The following PDIA5 variants were observed in gnomAD, a reference collection of about 807,000 sequenced individuals.
PDIA5 encodes protein disulfide-isomerase A5.
PDIA5 carries 58 observed loss-of-function variants against 77.6 expected under a neutral mutation model. The ratio of observed to expected loss-of-function variants is 0.75; its 90% CI spans 0.61 to 0.93. PDIA5 has a LOEUF of 0.93. PDIA5 is among the 40% of genes least tolerant of loss of function. The pLI, the probability that PDIA5 is intolerant of heterozygous loss-of-function variation, is 0.00. For missense variants in PDIA5, 630 were observed against 647.7 expected (o/e 0.97, Z 0.30); for synonymous variants, 250 against 252.1 (o/e 0.99, Z 0.08).
At chr3:123,141,261 G>T (rs1935627410) in intron 11 of PDIA5, among the ~76,000 whole-genome samples, 1 of 152,180 alleles carries the variant, frequency 6.6e-6, no homozygotes. Context: ...TGGCCTAACA[G>T]CACCATCCAT....
chr3:123,104,358 C>G (rs560984640), intron 5 of PDIA5, among the ~76,000 whole-genome samples: 1 of 152,282 alleles, frequency 6.6e-6, no homozygotes, highest in South Asian at 2.1e-4. Context: ...ATGGCTTCTG[C>G]TTTTTCAGCT....
At chr3:123,115,049 C>T (rs145931577) in intron 7 of PDIA5, among the ~76,000 whole-genome samples, 55 of 152,290 alleles carry the variant, frequency 3.6e-4, no homozygotes, top group African/African-American at 1.2e-3. Context: ...GCTTCACGGC[C>T]TGTCTAGGCG....
intron 5 of PDIA5, among the ~76,000 whole-genome samples, chr3:123,104,116 C>T (rs894021173): frequency 6.6e-5 from 10 of 152,186 alleles, no homozygotes; most frequent in African/African-American, 9.7e-5. Flanking sequence ...ATCCTGGCTT[C>T]GCCCCACTTC....
At position 123,106,733 on chromosome 3, in the gene PDIA5, C is replaced by G. The variant is rs780035040; in HGVS notation, c.388-16C>G. The G allele has an allele frequency of 1.6e-5, 26 of 1,578,338 alleles. 1 individual carries two copies. The Admixed American group carries it at 3.7e-4, about 22-fold the overall frequency. On this transcript the variant is annotated splice_polypyrimidine_tract_variant and intron_variant, in intron 5 of 16. Transcript: ENST00000316218. ...AGGGCTAAAATGCATTTTCTCTTCT[C>G]TTTTTTTTCCCTCAGTCCATAGTGG...
At chr3:123,130,762 C>T (rs1034031690) in intron 11 of PDIA5, 146 bp downstream of exon 11, 9 of 841,390 alleles carry the variant, frequency 1.1e-5, no homozygotes, top group East Asian at 2.6e-5. Flanking sequence ...TGGTGACAGG[C>T]GAGGTCCCCA....
intron 7 of PDIA5, among the ~76,000 whole-genome samples, chr3:123,115,470 A>C (rs1934971928): frequency 6.6e-6 from 1 of 152,152 alleles, no homozygotes; most frequent in Non-Finnish European, 1.5e-5. Context: ...AGAGCCCCGG[A>C]GGGCTGAGCC....
chr3:123,156,116 C>A, intron 15 of PDIA5, among the ~76,000 whole-genome samples: 1 of 152,148 alleles, frequency 6.6e-6, no homozygotes. Context: ...AGCAGAGATA[C>A]AGGTGCTAGG....
intron 1 of PDIA5, among the ~76,000 whole-genome samples, chr3:123,088,345 T>G (rs1400524010): frequency 6.6e-6 from 1 of 152,092 alleles, no homozygotes; most frequent in Non-Finnish European, 1.5e-5. Flanking sequence ...TGGGGGAGAA[T>G]TGGCTCATTT....
chr3:123,071,603 A>G (rs753412953), intron 1 of PDIA5, among the ~76,000 whole-genome samples: 4 of 152,204 alleles, frequency 2.6e-5, no homozygotes, highest in Admixed American at 6.5e-5. Context: ...GGAAGTCTTA[A>G]AACAGACCCG....
chr3:123,067,739 T>C (rs1933613464), intron 1 of PDIA5, among the ~76,000 whole-genome samples: 1 of 152,150 alleles, frequency 6.6e-6, no homozygotes, highest in African/African-American at 2.4e-5. Flanking sequence ...GGGGTCGACG[T>C]AGCCCGCCCC....
chr3:123,114,796 C>T (rs796364408), intron 7 of PDIA5, among the ~76,000 whole-genome samples: 13 of 152,294 alleles, frequency 8.5e-5, no homozygotes, highest in African/African-American at 2.9e-4. Flanking sequence ...GCAGATTCGG[C>T]GGGCTCGCGC....
chr3:123,122,659 C>T (rs1044433595), intron 8 of PDIA5, among the ~76,000 whole-genome samples: 2 of 152,184 alleles, frequency 1.3e-5, no homozygotes, highest in Non-Finnish European at 2.9e-5. Context: ...TCATTTAGTT[C>T]TCTAAAGAGC....
intron 11 of PDIA5, among the ~76,000 whole-genome samples, chr3:123,144,280 G>A (rs1000936192): frequency 1.3e-5 from 2 of 152,066 alleles, no homozygotes; most frequent in East Asian, 1.9e-4. Context: ...GAATTATAGC[G>A]TTCTCAGCTC....
intron 7 of PDIA5, among the ~76,000 whole-genome samples, chr3:123,114,371 C>CG (rs916966456): frequency 3.3e-5 from 5 of 152,104 alleles, no homozygotes; most frequent in African/African-American, 1.2e-4. Flanking sequence ...GAAGCACCCC[C>CG]CCAAATCCTG....
At chr3:123,109,099 A>G (rs2107939893) in intron 6 of PDIA5, among the ~76,000 whole-genome samples, 1 of 152,322 alleles carries the variant, frequency 6.6e-6, no homozygotes, top group Non-Finnish European at 1.5e-5. Context: ...TAACTGTAGG[A>G]ATATCAAGCG....
intron 10 of PDIA5, among the ~76,000 whole-genome samples, chr3:123,125,235 A>G (rs1338976800): frequency 1.3e-5 from 2 of 152,206 alleles, no homozygotes; most frequent in East Asian, 3.8e-4. Context: ...ATTTGTGCAT[A>G]TGTGCTGGAG....
intron 14 of PDIA5, among the ~76,000 whole-genome samples, chr3:123,154,715 T>C (rs1249801067): frequency 6.6e-6 from 1 of 152,136 alleles, no homozygotes; most frequent in Non-Finnish European, 1.5e-5. Context: ...TAGACTACAG[T>C]GACCATCGCC....
chr3:123,113,655 C>T (rs1189572558), intron 7 of PDIA5, among the ~76,000 whole-genome samples: 1 of 152,152 alleles, frequency 6.6e-6, no homozygotes, highest in Non-Finnish European at 1.5e-5. Context: ...CTAGTCTAAT[C>T]AAGTCTCCAT....
intron 3 of PDIA5, among the ~76,000 whole-genome samples, chr3:123,102,140 C>T (rs1934618077): frequency 6.6e-6 from 1 of 152,126 alleles, no homozygotes; most frequent in African/African-American, 2.4e-5. Context: ...GAACTCCTGA[C>T]CTCAGGTGAT....
Sources: allele counts gnomAD v4.1 joint callset (sites outside exome capture counted in the v4.1 genomes callset), GRCh38; gene constraint gnomAD v4.1.1; transcripts MANE v1.5; gene names NCBI Gene and HGNC (gene_info 2026-07-23, HGNC 2026-07-21).